RPS6KC1: variants seen among roughly 807,000 people sequenced by gnomAD.
RPS6KC1 encodes ribosomal protein S6 kinase C1, also known as inactive ribosomal protein S6 kinase delta-1.
RPS6KC1 carries 54 observed loss-of-function variants against 103.8 expected under a neutral mutation model. That is an observed-to-expected ratio of 0.52 (90% confidence interval 0.42 to 0.65). RPS6KC1 has a LOEUF of 0.65. Among genes scored for constraint, RPS6KC1 ranks in the 30% least tolerant of loss-of-function variants. The pLI, the probability that RPS6KC1 is intolerant of heterozygous loss-of-function variation, is 0.00. For missense variants in RPS6KC1, 1,151 were observed against 1,253.8 expected (o/e 0.92, Z 1.24); for synonymous variants, 439 against 438.7 (o/e 1.00, Z -0.01).
At chr1:213,487,734 C>A in the RPS6KC1 span, among the ~76,000 whole-genome samples, 46 of 152,242 alleles carry the variant, frequency 3.0e-4, no homozygotes, top group African/African-American at 1.1e-3. Context: ...CCAGTTTCTT[C>A]ATGAGTCATA....
the RPS6KC1 span, among the ~76,000 whole-genome samples, chr1:213,485,971 C>T: frequency 1.3e-5 from 2 of 152,174 alleles, no homozygotes; most frequent in African/African-American, 4.8e-5. Flanking sequence ...GCTTCCTCTG[C>T]TAGAGAAGTT....
the RPS6KC1 span, among the ~76,000 whole-genome samples, chr1:213,314,993 A>T: frequency 5.9e-5 from 9 of 152,150 alleles, no homozygotes; most frequent in Non-Finnish European, 1.2e-4. Flanking sequence ...TGGGCAGCGC[A>T]TCATTACTAT....
the RPS6KC1 span, among the ~76,000 whole-genome samples, chr1:213,776,590 A>G: frequency 6.6e-6 from 1 of 152,222 alleles, no homozygotes; most frequent in Non-Finnish European, 1.5e-5. Context: ...TTGATAGAGC[A>G]CAGGAAAAGT....
chr1:213,125,533 G>T (rs937227760), intron 5 of RPS6KC1, among the ~76,000 whole-genome samples: 7 of 151,598 alleles, frequency 4.6e-5, no homozygotes, highest in African/African-American at 1.7e-4. Context: ...ATATGCATTG[G>T]CAAATTGTCC....
At chr1:213,787,138 C>T in the RPS6KC1 span, among the ~76,000 whole-genome samples, 92 of 147,708 alleles carry the variant, frequency 6.2e-4, no homozygotes, top group Middle Eastern at 3.5e-3. Flanking sequence ...TGTGTTTCCT[C>T]GTCTGTTTAT....
chr1:213,303,926 C>T, the RPS6KC1 span, among the ~76,000 whole-genome samples: 431 of 152,210 alleles, frequency 2.8e-3, 1 homozygote, highest in Middle Eastern at 0.02. Flanking sequence ...ATGCTTGAGG[C>T]CGGGCGCGGT....
chr1:213,854,517 TTTC>T, the RPS6KC1 span, among the ~76,000 whole-genome samples: 2 of 78,620 alleles, frequency 2.5e-5, no homozygotes, highest in African/African-American at 1.4e-4. Context: ...TTTCTCTTTC[TTTC>T]TTTCTTTCTT....
chr1:213,084,224 G>A (rs555065458), intron 3 of RPS6KC1, among the ~76,000 whole-genome samples: 75 of 151,188 alleles, frequency 5.0e-4, no homozygotes, highest in African/African-American at 1.8e-3. Context: ...ATATATGCAC[G>A]TAATTTTACA....
the RPS6KC1 span, among the ~76,000 whole-genome samples, chr1:213,292,765 G>A: frequency 6.6e-6 from 1 of 152,168 alleles, no homozygotes; most frequent in Admixed American, 6.5e-5. Flanking sequence ...AGAAACAAAG[G>A]AAGAACTGCA....
chr1:213,378,525 G>T, the RPS6KC1 span, among the ~76,000 whole-genome samples: 1 of 152,200 alleles, frequency 6.6e-6, no homozygotes, highest in African/African-American at 2.4e-5. Flanking sequence ...GGCAGGGAAA[G>T]TGGGGAGAGA....
the RPS6KC1 span, among the ~76,000 whole-genome samples, chr1:213,334,524 A>G: frequency 1.3e-5 from 2 of 152,208 alleles, no homozygotes; most frequent in African/African-American, 4.8e-5. Flanking sequence ...TCATTCCTGT[A>G]CCATCGAAGT....
chr1:213,381,047 C>G, the RPS6KC1 span, among the ~76,000 whole-genome samples: 1 of 152,164 alleles, frequency 6.6e-6, no homozygotes, highest in Non-Finnish European at 1.5e-5. Flanking sequence ...AGTGCTTCTG[C>G]AAACTGCTTT....
At chr1:213,646,149 G>C in the RPS6KC1 span, among the ~76,000 whole-genome samples, 2 of 152,186 alleles carry the variant, frequency 1.3e-5, no homozygotes, top group African/African-American at 4.8e-5. Context: ...ATTAAGAAGG[G>C]GCAGTTCCCC....
chr1:213,192,073 C>G (rs1342349419), intron 8 of RPS6KC1, among the ~76,000 whole-genome samples: 1 of 152,010 alleles, frequency 6.6e-6, no homozygotes, highest in Non-Finnish European at 1.5e-5. Flanking sequence ...TTCTTCTATC[C>G]CCAGTTTTTT....
chr1:213,116,574 T>G (rs1328754732), intron 4 of RPS6KC1, among the ~76,000 whole-genome samples: 2 of 149,154 alleles, frequency 1.3e-5, no homozygotes, highest in African/African-American at 5.0e-5. Context: ...TATTGTTATG[T>G]GTGAATTTGA....
chr1:213,204,613 A>G (rs1055531974), intron 8 of RPS6KC1, among the ~76,000 whole-genome samples: 2 of 147,966 alleles, frequency 1.4e-5, no homozygotes, highest in African/African-American at 5.0e-5. Context: ...TTCTAATTTA[A>G]TTGTCACTTT....
the RPS6KC1 span, among the ~76,000 whole-genome samples, chr1:213,433,018 A>G: frequency 1.3e-5 from 2 of 152,206 alleles, no homozygotes; most frequent in Admixed American, 1.3e-4. Flanking sequence ...CAAATTTATT[A>G]TCTTAAAGTT....
the RPS6KC1 span, among the ~76,000 whole-genome samples, chr1:213,623,965 T>G: frequency 2.6e-5 from 4 of 152,136 alleles, no homozygotes; most frequent in Admixed American, 2.6e-4. Flanking sequence ...GCAGTGAGGT[T>G]CTAGAAAATA....
chr1:213,312,972 C>T, the RPS6KC1 span, among the ~76,000 whole-genome samples: 4 of 152,146 alleles, frequency 2.6e-5, no homozygotes, highest in Admixed American at 6.5e-5. Context: ...CCCACATAGA[C>T]CCTTAACTGC....
Sources: allele counts gnomAD v4.1 joint callset (sites outside exome capture counted in the v4.1 genomes callset), GRCh38; gene constraint gnomAD v4.1.1; transcripts MANE v1.5; gene names NCBI Gene and HGNC (gene_info 2026-07-23, HGNC 2026-07-21).